Variants in NOL4 observed in about 807,000 individuals in gnomAD.
NOL4 encodes cancer/testis antigen 125.
In NOL4, 17 loss-of-function variants were observed where a neutral mutation model predicts 75.9. The observed-to-expected ratio is 0.22, with a 90% CI of 0.15 to 0.34. NOL4 has a LOEUF of 0.34. NOL4 is among the 10% of genes least tolerant of loss of function. The pLI is 1.00. For missense variants in NOL4, 614 were observed against 793.5 expected, an observed-to-expected ratio of 0.77 and a Z score of 2.72; for synonymous variants, 292 against 289.9, an observed-to-expected ratio of 1.01 and a Z score of -0.07.
At chr18:34,041,667 T>C (rs2076146823) in intron 5 of NOL4, among the ~76,000 whole-genome samples, 1 of 152,016 alleles carries the variant, frequency 6.6e-6, no homozygotes, top group South Asian at 2.1e-4. Context: ...TAGAAAAGCA[T>C]TATAGATTTT....
At chr18:34,205,100 TA>T (rs1303239825) in intron 1 of NOL4, among the ~76,000 whole-genome samples, 1 of 152,152 alleles carries the variant, frequency 6.6e-6, no homozygotes, top group Non-Finnish European at 1.5e-5. Flanking sequence ...GAAAAATGTT[TA>T]AGTCCTGGAT....
intron 1 of NOL4, among the ~76,000 whole-genome samples, chr18:34,208,445 TAAAAAAA>T (rs755517190): frequency 7.1e-6 from 1 of 141,142 alleles, no homozygotes; most frequent in Non-Finnish European, 1.6e-5. Flanking sequence ...AGAAAAAGAT[TAAAAAAA>T]AAAAAACTCT....
chr18:33,901,494 A>T (rs2065746498), intron 9 of NOL4, among the ~76,000 whole-genome samples: 1 of 152,120 alleles, frequency 6.6e-6, no homozygotes, highest in Admixed American at 6.6e-5. Flanking sequence ...AGAATAAATG[A>T]TTCTATTTAC....
intron 9 of NOL4, among the ~76,000 whole-genome samples, chr18:33,884,971 C>T (rs1007623503): frequency 2.6e-5 from 4 of 152,032 alleles, no homozygotes; most frequent in African/African-American, 9.7e-5. Context: ...TTATACTCAG[C>T]TGTACACATG....
intron 9 of NOL4, among the ~76,000 whole-genome samples, chr18:33,914,550 G>T (rs960146996): frequency 6.6e-6 from 1 of 152,214 alleles, no homozygotes; most frequent in Middle Eastern, 3.4e-3. Context: ...TGAGGGATAA[G>T]AGCAAGAGGA....
intron 10 of NOL4, among the ~76,000 whole-genome samples, chr18:33,857,877 A>C (rs1051479057): frequency 1.1e-4 from 17 of 152,110 alleles, no homozygotes; most frequent in Non-Finnish European, 2.1e-4. Flanking sequence ...TGTGCTTCAC[A>C]CCTCTTAGTT....
chr18:34,138,089 T>C (rs2080974896), intron 1 of NOL4, among the ~76,000 whole-genome samples: 3 of 152,110 alleles, frequency 2.0e-5, no homozygotes, highest in African/African-American at 7.2e-5. Flanking sequence ...TCAATTCATA[T>C]GAAATGTAGA....
intron 5 of NOL4, among the ~76,000 whole-genome samples, chr18:34,043,446 A>G (rs2076226705): frequency 6.6e-6 from 1 of 152,046 alleles, no homozygotes; most frequent in Non-Finnish European, 1.5e-5. Context: ...CAGAGATCAA[A>G]GTTATACATA....
intron 10 of NOL4, among the ~76,000 whole-genome samples, chr18:33,863,896 C>T (rs1033044240): frequency 6.6e-6 from 1 of 152,162 alleles, no homozygotes; most frequent in African/African-American, 2.4e-5. Flanking sequence ...TCCCATACAG[C>T]CTCCAAAATC....
chr18:33,858,383 A>G (rs762813672), intron 10 of NOL4, among the ~76,000 whole-genome samples: 7 of 151,912 alleles, frequency 4.6e-5, no homozygotes, highest in Non-Finnish European at 8.8e-5. Context: ...TTCTTTTGCC[A>G]AAGAGTAAAA....
At chr18:33,946,699 A>C (rs2068856439) in intron 8 of NOL4, among the ~76,000 whole-genome samples, 1 of 151,780 alleles carries the variant, frequency 6.6e-6, no homozygotes, top group South Asian at 2.1e-4. Flanking sequence ...CCTTCAGTTA[A>C]ATGGTTGAAG....
intron 9 of NOL4, among the ~76,000 whole-genome samples, chr18:33,899,349 G>T (rs1277029104): frequency 1.3e-5 from 2 of 152,098 alleles, no homozygotes; most frequent in African/African-American, 4.8e-5. Context: ...TAGGATGTTA[G>T]TCCCCCATCT....
intron 9 of NOL4, among the ~76,000 whole-genome samples, chr18:33,918,978 T>C (rs2066882379): frequency 6.6e-6 from 1 of 152,132 alleles, no homozygotes; most frequent in Non-Finnish European, 1.5e-5. Context: ...TAGTAATCTA[T>C]ATATAGAGAT....
intron 1 of NOL4, among the ~76,000 whole-genome samples, chr18:34,216,943 A>C (rs946260615): frequency 1.1e-4 from 16 of 152,070 alleles, no homozygotes; most frequent in Middle Eastern, 3.2e-3. Context: ...TCTTACTTAA[A>C]TTAGCATATC....
chr18:34,093,651 T>C, intron 4 of NOL4, 54 bp from the exon 5 acceptor site: 1 of 1,329,158 alleles, frequency 7.5e-7, no homozygotes, highest in Non-Finnish European at 1.0e-6. Flanking sequence ...TACGTTTAAA[T>C]AATAACCATT....
chr18:34,015,918 T>C (rs1192227332), intron 6 of NOL4, among the ~76,000 whole-genome samples: 1 of 152,098 alleles, frequency 6.6e-6, no homozygotes, highest in Non-Finnish European at 1.5e-5. Flanking sequence ...CCATATTCAA[T>C]AAACCTTTGT....
At chr18:34,133,548 G>T (rs1212459898) in intron 1 of NOL4, among the ~76,000 whole-genome samples, 1 of 151,852 alleles carries the variant, frequency 6.6e-6, no homozygotes, top group Non-Finnish European at 1.5e-5. Flanking sequence ...TGACTTCAAA[G>T]GCAACTGGAT....
At chr18:33,865,627 C>A (rs2063395443) in intron 10 of NOL4, among the ~76,000 whole-genome samples, 2 of 152,044 alleles carry the variant, frequency 1.3e-5, no homozygotes. Flanking sequence ...TGGTGGATAA[C>A]AACAGGACCA....
chr18:34,065,113 C>A (rs879094781), intron 5 of NOL4, among the ~76,000 whole-genome samples: 1 of 151,836 alleles, frequency 6.6e-6, no homozygotes, highest in Non-Finnish European at 1.5e-5. Context: ...GATATCACTA[C>A]GTCCTTTAGC....
Sources: gnomAD v4.1 joint callset for allele counts (sites outside exome capture counted in the v4.1 genomes callset) on GRCh38, gnomAD v4.1.1 for gene constraint, MANE v1.5 for transcripts, NCBI Gene and HGNC (gene_info 2026-07-23, HGNC 2026-07-21) for gene names.